KIAA1958: variants seen among roughly 807,000 people sequenced by gnomAD.
The protein encoded by KIAA1958 is KIAA1958.
A neutral mutation model predicts 47.2 loss-of-function variants in KIAA1958; 14 were observed. That is an observed-to-expected ratio of 0.30 (90% confidence interval 0.20 to 0.46). KIAA1958 has a LOEUF of 0.46. KIAA1958 is among the 20% of genes least tolerant of loss of function. The probability of loss-of-function intolerance (pLI) is 1.00; values close to 1 mark genes in which losing one functional copy is unlikely to be tolerated. For synonymous variants in KIAA1958, 354 were observed against 353.3 expected, an observed-to-expected ratio of 1.00 and a Z score of -0.02; for missense variants, 803 against 909.2, an observed-to-expected ratio of 0.88 and a Z score of 1.50.
chr9:112,561,145 C>T (rs1024637925), intron 1 of KIAA1958, among the ~76,000 whole-genome samples: 2 of 151,696 alleles, frequency 1.3e-5, no homozygotes, highest in Admixed American at 1.3e-4. Flanking sequence ...AGCTCCGCCT[C>T]CCAGGTTGAC....
Position 112,501,683 on chromosome 9 carries a change from G to A in KIAA1958, c.-25+14565G>A, listed in dbSNP as rs530166549. ...GCGTAGAGAGACGGGAAGGGCATGA[G>A]GTCACACAGCAGACTGCACAGAAGA... On this transcript the variant is annotated intron_variant, in intron 1 of 3. Transcript: ENST00000337530. Among the ~76,000 whole-genome samples the A allele has an allele frequency of 9.9e-5, 15 of 152,268 alleles. 1 individual carries two copies. The South Asian group carries it at 2.9e-3, about 29-fold the overall frequency.
rs77397892 is a variant in KIAA1958, at chr9:112,570,699, A to G, written c.-24-3358A>G. Among the ~76,000 whole-genome samples, 21 of 152,362 alleles carry G rather than the reference A, an allele frequency of 1.4e-4. No individual in the cohort carries two copies. The South Asian group carries it at 4.3e-3, about 32-fold the overall frequency. On this transcript the variant is annotated intron_variant, in intron 1 of 3. Coordinates refer to ENST00000337530, the MANE Select transcript of KIAA1958 (RefSeq NM_133465.4). ...GCCAGTACCAAATCTGTATTAGTCA[A>G]GATTCTCCAGAGAGACAGAACTAAT...
rs1169384584 is a variant in KIAA1958, at chr9:112,664,430, C to T, written c.*4361C>T. 1 of 152,106 alleles carries T rather than the reference C, an allele frequency of 6.6e-6. No individual in the cohort carries two copies. The highest frequency in any genetic ancestry group is 1.5e-5 in the Non-Finnish European group (1 of 68,016). 9.4% of individuals were successfully genotyped at this position (152,106 alleles called of 1,614,324 possible). A position where few individuals can be genotyped will look rare whatever the true frequency, so the allele number is the denominator to read the frequency against. On this transcript the variant is annotated 3_prime_UTR_variant, in exon 4 of 4. Transcript: ENST00000337530. Reference sequence around the variant, plus strand: ...TGCTAAAAACTTTTGAGCTAGTAGACGTTACCTTTAAGCATCAATGAATGC... The same window carrying T: ...TGCTAAAAACTTTTGAGCTAGTAGATGTTACCTTTAAGCATCAATGAATGC...
chr9:112,579,513 T>C (rs1423963693), intron 2 of KIAA1958, among the ~76,000 whole-genome samples: 1 of 152,100 alleles, frequency 6.6e-6, no homozygotes, highest in African/African-American at 2.4e-5. Flanking sequence ...ATAATTCTCA[T>C]TCTCCGCTGA....
chr9:112,589,803 G>A (rs540763340), intron 2 of KIAA1958, among the ~76,000 whole-genome samples: 53 of 152,294 alleles, frequency 3.5e-4, no homozygotes, highest in Non-Finnish European at 7.2e-4. Context: ...CCACGATAGA[G>A]GTCTTGATTC....
intron 1 of KIAA1958, among the ~76,000 whole-genome samples, chr9:112,505,920 G>GA (rs1834226288): frequency 6.6e-6 from 1 of 152,162 alleles, no homozygotes; most frequent in African/African-American, 2.4e-5. Context: ...AGTGAGGGGG[G>GA]ATCAAACAGA....
At chr9:112,651,154 T>C (rs552254989) in intron 3 of KIAA1958, among the ~76,000 whole-genome samples, 1 of 152,284 alleles carries the variant, frequency 6.6e-6, no homozygotes, top group African/African-American at 2.4e-5. Flanking sequence ...GACTTAACGC[T>C]GTCAAACTGA....
chr9:112,512,357 A>ATT (rs1338877082), intron 1 of KIAA1958, among the ~76,000 whole-genome samples: 1 of 152,246 alleles, frequency 6.6e-6, no homozygotes, highest in Non-Finnish European at 1.5e-5. Context: ...AAACTCAGGA[A>ATT]AACAGTTTAT....
At chr9:112,630,183 A>C (rs910728965) in intron 2 of KIAA1958, among the ~76,000 whole-genome samples, 4 of 152,176 alleles carry the variant, frequency 2.6e-5, no homozygotes, top group Admixed American at 2.6e-4. Flanking sequence ...TCTACAGTTG[A>C]ATTAATCGTA....
At chr9:112,623,814 A>C (rs1467088689) in intron 2 of KIAA1958, among the ~76,000 whole-genome samples, 1 of 152,196 alleles carries the variant, frequency 6.6e-6, no homozygotes, top group Non-Finnish European at 1.5e-5. Flanking sequence ...AGGCAGAGGG[A>C]CTGCCTATAA....
intron 1 of KIAA1958, among the ~76,000 whole-genome samples, chr9:112,562,949 A>G (rs1835360203): frequency 6.6e-6 from 1 of 151,322 alleles, no homozygotes; most frequent in South Asian, 2.1e-4. Context: ...TACAGGCATG[A>G]GCCACCTAGC....
At chr9:112,504,341 A>G (rs1159664693) in intron 1 of KIAA1958, among the ~76,000 whole-genome samples, 1 of 152,060 alleles carries the variant, frequency 6.6e-6, no homozygotes, top group African/African-American at 2.4e-5. Context: ...TGCGTGCCAC[A>G]CTACCCCCAG....
chr9:112,524,233 A>G (rs1287851076), intron 1 of KIAA1958, among the ~76,000 whole-genome samples: 1 of 152,240 alleles, frequency 6.6e-6, no homozygotes, highest in Non-Finnish European at 1.5e-5. Context: ...GATGGATCCA[A>G]GGCCCAACCA....
chr9:112,587,043 G>C (rs146870955), intron 2 of KIAA1958, among the ~76,000 whole-genome samples: 1 of 152,120 alleles, frequency 6.6e-6, no homozygotes, highest in Non-Finnish European at 1.5e-5. Flanking sequence ...CAGGTGATCC[G>C]CTTCATTTTA....
intron 2 of KIAA1958, among the ~76,000 whole-genome samples, chr9:112,637,018 C>G (rs1210400058): frequency 6.6e-6 from 1 of 152,154 alleles, no homozygotes; most frequent in Non-Finnish European, 1.5e-5. Flanking sequence ...TGTTACCATA[C>G]AGATGTAAAC....
At chr9:112,497,282 A>T (rs1386311573) in intron 1 of KIAA1958, among the ~76,000 whole-genome samples, 2 of 152,200 alleles carry the variant, frequency 1.3e-5, no homozygotes, top group Non-Finnish European at 2.9e-5. Flanking sequence ...GCATTTAAAA[A>T]GGTGATTAAG....
chr9:112,498,207 T>A (rs1834076598), intron 1 of KIAA1958, among the ~76,000 whole-genome samples: 1 of 152,206 alleles, frequency 6.6e-6, no homozygotes, highest in Non-Finnish European at 1.5e-5. Flanking sequence ...ACCATATAAC[T>A]AAAGTTTATC....
intron 1 of KIAA1958, among the ~76,000 whole-genome samples, chr9:112,510,628 A>G (rs1403871135): frequency 2.0e-5 from 3 of 152,144 alleles, no homozygotes; most frequent in Admixed American, 6.5e-5. Flanking sequence ...CTTTAATTCC[A>G]AAGAATTCTG....
chr9:112,662,273 G>A lies in KIAA1958; in HGVS notation c.*2204G>A, dbSNP rs924227198. On this transcript the variant is annotated 3_prime_UTR_variant, in exon 4 of 4. Coordinates refer to ENST00000337530, the MANE Select transcript of KIAA1958 (RefSeq NM_133465.4). Reference sequence around the variant, plus strand: ...TTCAGTGGCATCTGATGGAATGAAAGAACTGTGTCTGAGCAGCCTAAAAGC... The same window carrying A: ...TTCAGTGGCATCTGATGGAATGAAAAAACTGTGTCTGAGCAGCCTAAAAGC... 8 of 152,230 alleles carry A rather than the reference G, an allele frequency of 5.3e-5. No homozygotes were observed. Among genetic ancestry groups the A allele is most frequent in the African/African-American group, 1.9e-4 (8 of 41,460 alleles). 9.4% of individuals were successfully genotyped at this position (152,230 alleles called of 1,614,324 possible).
Sources: gnomAD v4.1 joint callset for allele counts (sites outside exome capture counted in the v4.1 genomes callset) on GRCh38, gnomAD v4.1.1 for gene constraint, MANE v1.5 for transcripts, NCBI Gene and HGNC (gene_info 2026-07-23, HGNC 2026-07-21) for gene names.